MCMDC2: variants seen among roughly 807,000 people sequenced by gnomAD.
MCMDC2 encodes minichromosome maintenance domain containing 2, also known as minichromosome maintenance domain-containing protein 2.
A neutral mutation model predicts 75.8 loss-of-function variants in MCMDC2; 54 were observed. The ratio of observed to expected loss-of-function variants is 0.71; its 90% CI spans 0.57 to 0.89. The LOEUF is 0.89. Ranked by LOEUF, MCMDC2 falls within the 40% of genes least tolerant of loss-of-function variation. The pLI is 0.00. For missense variants in MCMDC2, 656 were observed against 780.4 expected, an observed-to-expected ratio of 0.84 and a Z score of 1.90; for synonymous variants, 249 against 274.6, an observed-to-expected ratio of 0.91 and a Z score of 0.92.
chr8:66,886,498 C>T (rs536876870), intron 9 of MCMDC2, among the ~76,000 whole-genome samples: 5 of 152,052 alleles, frequency 3.3e-5, no homozygotes, highest in Non-Finnish European at 7.4e-5. Context: ...GTTAGCTGAG[C>T]GCAGTGGCTC....
At position 66,891,102 on chromosome 8, in the gene MCMDC2, C is replaced by T. The variant is rs777136757; in HGVS notation, c.1279+32C>T. 34 of 1,532,688 alleles carry T rather than the reference C, an allele frequency of 2.2e-5. No individual in the cohort carries two copies. The South Asian group carries it at 2.4e-4, about 11-fold the overall frequency. 94.9% of individuals were successfully genotyped at this position (1,532,688 alleles called of 1,614,324 possible). A position where few individuals can be genotyped will look rare whatever the true frequency, so the allele number is the denominator to read the frequency against. On this transcript the variant is annotated intron_variant, in intron 10 of 14. Coordinates refer to ENST00000422365, the MANE Select transcript of MCMDC2 (RefSeq NM_173518.5). ...AATATTTTTTAAATTAATTTTCACC[C>T]GTTTAACCTATACTCTCATCCATGT... is the stretch of plus-strand genomic sequence containing the variant.
intron 14 of MCMDC2, among the ~76,000 whole-genome samples, chr8:66,913,286 T>C (rs1382265473): frequency 6.6e-6 from 1 of 152,214 alleles, no homozygotes. Context: ...AGGGTAAATA[T>C]AACTTTTATG....
chr8:66,905,921 T>C (rs566872070), intron 14 of MCMDC2, among the ~76,000 whole-genome samples: 1 of 151,486 alleles, frequency 6.6e-6, no homozygotes, highest in African/African-American at 2.4e-5. Flanking sequence ...AAGAGAATCG[T>C]TTGAAACTGG....
intron 9 of MCMDC2, among the ~76,000 whole-genome samples, chr8:66,884,803 G>T (rs760305493): frequency 6.6e-6 from 1 of 151,624 alleles, no homozygotes; most frequent in Non-Finnish European, 1.5e-5. Context: ...TTGAGACAGG[G>T]TCTCACTCTG....
intron 13 of MCMDC2, chr8:66,901,559 A>C (rs574860067): frequency 1.6e-6 from 2 of 1,242,334 alleles, no homozygotes; most frequent in South Asian, 5.7e-5. Flanking sequence ...TTTTTTACTA[A>C]ACTGATTTTT....
chr8:66,895,806 G>A (rs1188432381), intron 10 of MCMDC2, among the ~76,000 whole-genome samples: 1 of 152,056 alleles, frequency 6.6e-6, no homozygotes, highest in African/African-American at 2.4e-5. Flanking sequence ...CTCCCACATG[G>A]ATGGCCTGCT....
chr8:66,920,857 G>A lies in MCMDC2; in HGVS notation c.*1688G>A, dbSNP rs1280644823. Reference sequence around the variant, plus strand: ...TGGGATAACTTCTGCATTTTTTGTAGAGATGGAATTTTGCCATGTTTCCCA... The same window carrying A: ...TGGGATAACTTCTGCATTTTTTGTAAAGATGGAATTTTGCCATGTTTCCCA... On this transcript the variant is annotated 3_prime_UTR_variant, in exon 15 of 15. Coordinates refer to ENST00000422365, the MANE Select transcript of MCMDC2 (RefSeq NM_173518.5). 1 of 151,878 alleles carries A rather than the reference G, an allele frequency of 6.6e-6. No individual in the cohort carries two copies. Among genetic ancestry groups the A allele is most frequent in the Non-Finnish European group, 1.5e-5 (1 of 68,008 alleles). The allele number at this position is 151,878 out of a possible 1,614,324, so 9.4% of individuals were successfully genotyped here. A position where few individuals can be genotyped will look rare whatever the true frequency, so the allele number is the denominator to read the frequency against.
chr8:66,882,931 T>C (rs1344424448), intron 8 of MCMDC2, among the ~76,000 whole-genome samples: 1 of 152,180 alleles, frequency 6.6e-6, no homozygotes, highest in East Asian at 1.9e-4. Flanking sequence ...TGTGCTTTCT[T>C]ATGCTGAACT....
chr8:66,924,201 C>T (rs1322682399), downstream of MCMDC2, among the ~76,000 whole-genome samples: 1 of 151,834 alleles, frequency 6.6e-6, no homozygotes, highest in Non-Finnish European at 1.5e-5. Context: ...AATAATAATA[C>T]CTAAAATATT....
At chr8:66,888,406 A>G (rs941156021) in intron 9 of MCMDC2, among the ~76,000 whole-genome samples, 1 of 152,136 alleles carries the variant, frequency 6.6e-6, no homozygotes, top group Non-Finnish European at 1.5e-5. Flanking sequence ...ATACCAACCA[A>G]AAAGAAGCCT....
Position 66,883,999 on chromosome 8 carries a change from A to C in MCMDC2, c.1073+5A>C. On this transcript the variant is annotated splice_donor_5th_base_variant and intron_variant, in intron 9 of 14. Transcript: ENST00000422365. Reference sequence around the variant, plus strand: ...TGATACTCTACTCATAGACAGGTATATATGTGACATGAATTTTTACAAATA... The same window carrying C: ...TGATACTCTACTCATAGACAGGTATCTATGTGACATGAATTTTTACAAATA... The C allele has an allele frequency of 6.4e-7, 1 of 1,560,564 alleles. No homozygotes were observed. The highest frequency in any genetic ancestry group is 2.2e-5 in the East Asian group (1 of 44,612).
chr8:66,897,805 T>C (rs1812431133), intron 12 of MCMDC2, among the ~76,000 whole-genome samples: 1 of 152,188 alleles, frequency 6.6e-6, no homozygotes, highest in Admixed American at 6.6e-5. Context: ...ATAATTCTCA[T>C]AGCTATTAAA....
chr8:66,877,377 T>C lies in MCMDC2; in HGVS notation c.314T>C (p.Leu105Ser). 1 of 1,611,756 alleles carries C rather than the reference T, an allele frequency of 6.2e-7. No individual in the cohort carries two copies. The highest frequency in any genetic ancestry group is 8.5e-7 in the Non-Finnish European group (1 of 1,178,906). The change falls in exon 5 of 15, where the codon TTA becomes TCA. Residue 105 changes from leucine to serine, a missense_variant. Physicochemically the swap from Leu to Ser is moderately radical, Grantham distance 145 (BLOSUM62 -2). Coordinates refer to ENST00000422365, the MANE Select transcript of MCMDC2 (RefSeq NM_173518.5). ...AATATAGTGCTGAAATTAACACATT[T>C]ACCTCCCCTGCCAAGTTATGGTCTT... ...QINIVLKLTH[L>S]PPLPSYGLDL...
downstream of MCMDC2, chr8:66,925,630 G>T (rs1036628471): frequency 3.3e-5 from 5 of 152,338 alleles, no homozygotes; most frequent in South Asian, 2.1e-4. Flanking sequence ...GGTGCGAAGG[G>T]GGGCTGAGTG....
chr8:66,900,788 T>C (rs1322268358), intron 12 of MCMDC2, among the ~76,000 whole-genome samples: 1 of 152,116 alleles, frequency 6.6e-6, no homozygotes, highest in African/African-American at 2.4e-5. Context: ...ATACCAAACG[T>C]TGTGTTCTTT....
chr8:66,903,053 C>T (rs1365411740), intron 13 of MCMDC2, among the ~76,000 whole-genome samples: 3 of 149,758 alleles, frequency 2.0e-5, no homozygotes, highest in South Asian at 4.2e-4. Flanking sequence ...ACCTGGGAGG[C>T]GGAGGTTGCA....
At chr8:66,883,582 C>G (rs1473872180) in intron 8 of MCMDC2, among the ~76,000 whole-genome samples, 175 bp from the exon 9 acceptor site, 1 of 151,608 alleles carries the variant, frequency 6.6e-6, no homozygotes, top group African/African-American at 2.4e-5. Context: ...TCAATTGAGG[C>G]CAGGGGTTCA....
chr8:66,879,614 G>T (rs1811468642), intron 7 of MCMDC2, among the ~76,000 whole-genome samples: 1 of 151,996 alleles, frequency 6.6e-6, no homozygotes, highest in African/African-American at 2.4e-5. Flanking sequence ...AAAAGCAATT[G>T]ACTTGTTTAT....
intron 14 of MCMDC2, among the ~76,000 whole-genome samples, chr8:66,915,388 G>C (rs1297700433): frequency 1.3e-5 from 2 of 151,072 alleles, no homozygotes; most frequent in Admixed American, 6.6e-5. Context: ...GGAGGCAGAG[G>C]TTGCAGTGAG....
Sources: allele counts gnomAD v4.1 joint callset (sites outside exome capture counted in the v4.1 genomes callset), GRCh38; gene constraint gnomAD v4.1.1; transcripts MANE v1.5; gene names NCBI Gene and HGNC (gene_info 2026-07-23, HGNC 2026-07-21).